Variants in SLC9A9 observed in about 807,000 individuals in gnomAD.
The protein encoded by SLC9A9 is solute carrier family 9 member A9.
In SLC9A9, 62 loss-of-function variants were observed where a neutral mutation model predicts 77.8. That is an observed-to-expected ratio of 0.80 (90% CI 0.65 to 0.98). The LOEUF is 0.98. SLC9A9 is among the 50% of genes least tolerant of loss of function. The pLI is 0.00. For synonymous variants in SLC9A9, 320 were observed against 283.5 expected, an observed-to-expected ratio of 1.13 and a Z score of -1.29; for missense variants, 775 against 774.9, an observed-to-expected ratio of 1.00 and a Z score of 0.00.
chr3:143,536,999 A>G (rs879656714), intron 9 of SLC9A9, among the ~76,000 whole-genome samples: 2 of 152,132 alleles, frequency 1.3e-5, no homozygotes, highest in East Asian at 1.9e-4. Context: ...GGCCAGCAAG[A>G]TTTTTTAAAC....
intron 4 of SLC9A9, among the ~76,000 whole-genome samples, chr3:143,725,327 G>T (rs867060453): frequency 6.6e-6 from 1 of 151,968 alleles, no homozygotes; most frequent in Non-Finnish European, 1.5e-5. Flanking sequence ...AGTCAGTGTG[G>T]CGATTCCTCA....
intron 11 of SLC9A9, among the ~76,000 whole-genome samples, chr3:143,486,385 G>C (rs2035653037): frequency 6.6e-6 from 1 of 151,950 alleles, no homozygotes; most frequent in South Asian, 2.1e-4. Context: ...CTCAGTAAAG[G>C]TAAATCCATG....
At chr3:143,654,158 A>G (rs1443136111) in intron 5 of SLC9A9, among the ~76,000 whole-genome samples, 1 of 152,232 alleles carries the variant, frequency 6.6e-6, no homozygotes, top group Admixed American at 6.5e-5. Flanking sequence ...CAATGACAAA[A>G]GCATGCGAGG....
intron 6 of SLC9A9, among the ~76,000 whole-genome samples, chr3:143,606,275 G>A (rs992031182): frequency 6.6e-6 from 1 of 151,528 alleles, no homozygotes; most frequent in Non-Finnish European, 1.5e-5. Context: ...CATGGTGGCA[G>A]GCGCCTATAA....
chr3:143,649,963 G>A (rs936395663), intron 6 of SLC9A9, among the ~76,000 whole-genome samples: 7 of 151,456 alleles, frequency 4.6e-5, no homozygotes, highest in African/African-American at 1.7e-4. Flanking sequence ...TCAAAAAGTT[G>A]CTATCTAGAA....
At chr3:143,819,374 T>C (rs2009110303) in intron 2 of SLC9A9, among the ~76,000 whole-genome samples, 1 of 152,208 alleles carries the variant, frequency 6.6e-6, no homozygotes, top group Admixed American at 6.5e-5. Context: ...AATTAAGTGG[T>C]GAATTAAGAC....
chr3:143,443,897 G>A (rs1199365305), intron 12 of SLC9A9, among the ~76,000 whole-genome samples: 4 of 150,582 alleles, frequency 2.7e-5, no homozygotes, highest in African/African-American at 1.0e-4. Flanking sequence ...CCTGAGTCAT[G>A]TTACCCTTAG....
chr3:143,688,566 G>A (rs1191941606), intron 5 of SLC9A9, among the ~76,000 whole-genome samples: 1 of 152,110 alleles, frequency 6.6e-6, no homozygotes, highest in Non-Finnish European at 1.5e-5. Context: ...ATACTCTTGA[G>A]TCCATGCTTC....
At chr3:143,550,206 T>A (rs927559864) in intron 9 of SLC9A9, among the ~76,000 whole-genome samples, 1 of 152,138 alleles carries the variant, frequency 6.6e-6, no homozygotes, top group African/African-American at 2.4e-5. Flanking sequence ...TGTTTAGGAA[T>A]TTCTGGTCAA....
intron 6 of SLC9A9, among the ~76,000 whole-genome samples, chr3:143,596,895 C>A (rs1195381729): frequency 6.6e-6 from 1 of 152,168 alleles, no homozygotes. Flanking sequence ...CCCCTCGGCT[C>A]AAGCAGTCCT....
At chr3:143,386,226 GCT>G (rs1456083849) in intron 12 of SLC9A9, among the ~76,000 whole-genome samples, 1 of 152,182 alleles carries the variant, frequency 6.6e-6, no homozygotes, top group East Asian at 1.9e-4. Flanking sequence ...AGATCACCTT[GCT>G]CTGTCTTTGG....
intron 4 of SLC9A9, among the ~76,000 whole-genome samples, chr3:143,711,889 C>T (rs183440791): frequency 1.1e-3 from 166 of 152,352 alleles, no homozygotes; most frequent in African/African-American, 3.7e-3. Context: ...ACTGACCAAA[C>T]TCCAGGGCTA....
At chr3:143,500,115 T>A (rs1357597071) in intron 9 of SLC9A9, among the ~76,000 whole-genome samples, 1 of 152,198 alleles carries the variant, frequency 6.6e-6, no homozygotes, top group East Asian at 1.9e-4. Flanking sequence ...GGCTTGGATT[T>A]TTTTTTTGTA....
chr3:143,746,259 T>G (rs182114203), intron 4 of SLC9A9, among the ~76,000 whole-genome samples: 7 of 152,300 alleles, frequency 4.6e-5, no homozygotes, highest in African/African-American at 1.7e-4. Context: ...CAGCTTAAAC[T>G]AGAGTTGGGG....
At chr3:143,326,135 G>A (rs1409095913) in intron 14 of SLC9A9, among the ~76,000 whole-genome samples, 2 of 152,100 alleles carry the variant, frequency 1.3e-5, no homozygotes, top group African/African-American at 4.8e-5. Context: ...AGTAAAAGGA[G>A]ATTTTGACTA....
At chr3:143,435,029 G>A (rs967603632) in intron 12 of SLC9A9, among the ~76,000 whole-genome samples, 15 of 152,122 alleles carry the variant, frequency 9.9e-5, no homozygotes, top group African/African-American at 3.1e-4. Flanking sequence ...ACGCCCCGCC[G>A]TCATCAAGCT....
chr3:143,612,803 C>T (rs571027327), intron 6 of SLC9A9, among the ~76,000 whole-genome samples: 1 of 152,310 alleles, frequency 6.6e-6, no homozygotes, highest in Admixed American at 6.5e-5. Context: ...GAGGTGAATA[C>T]TGTGATTTCA....
intron 4 of SLC9A9, among the ~76,000 whole-genome samples, chr3:143,697,529 AAAGT>A (rs1933675472): frequency 8.2e-6 from 1 of 122,130 alleles, no homozygotes; most frequent in Non-Finnish European, 1.8e-5. Flanking sequence ...ACAAATGAGA[AAAGT>A]AAGACTCAGA....
chr3:143,811,851 G>C (rs1178261608), intron 2 of SLC9A9: 3 of 302,450 alleles, frequency 9.9e-6, no homozygotes, highest in African/African-American at 4.7e-5. Flanking sequence ...GACAGAGAGA[G>C]ATCTTGTCTA....
Sources: allele counts gnomAD v4.1 joint callset (sites outside exome capture counted in the v4.1 genomes callset), GRCh38; gene constraint gnomAD v4.1.1; transcripts MANE v1.5; gene names NCBI Gene and HGNC (gene_info 2026-07-23, HGNC 2026-07-21).